Variants in METTL25 observed in about 807,000 individuals in gnomAD.
The protein encoded by METTL25 is probable methyltransferase-like protein 25.
In METTL25, 64 loss-of-function variants were observed where a neutral mutation model predicts 71.6. The ratio of observed to expected loss-of-function variants is 0.89; its 90% CI spans 0.73 to 1.10. METTL25 has a LOEUF of 1.10. Among genes scored for constraint, METTL25 ranks in the 50% least tolerant of loss-of-function variants. The pLI is 0.00. For synonymous variants in METTL25, 287 were observed against 250.3 expected (o/e 1.15, Z -1.38); for missense variants, 807 against 707.0 (o/e 1.14, Z -1.60).
chr12:82,443,708 A>C (rs1027884278), intron 8 of METTL25, among the ~76,000 whole-genome samples: 1 of 152,164 alleles, frequency 6.6e-6, no homozygotes, highest in African/African-American at 2.4e-5. Context: ...GACAGAAGGC[A>C]AAGTATAGAC....
intron 8 of METTL25, 158 bp downstream of exon 8, chr12:82,438,949 G>A (rs984751300): frequency 6.3e-6 from 3 of 479,068 alleles, no homozygotes; most frequent in Non-Finnish European, 9.9e-6. Context: ...CTGTATCTTA[G>A]GTTAATTATC....
At position 82,381,640 on chromosome 12, in the gene METTL25, G is replaced by A. The variant is rs116526832; in HGVS notation, c.260-5163G>A. ...GATTATGAACAGACTCAAAACATTC[G>A]GAAAACTTAACTCATCCCATCTTTA... On this transcript the variant is annotated intron_variant, in intron 1 of 11. Coordinates refer to ENST00000248306, the MANE Select transcript of METTL25 (RefSeq NM_032230.3). 1.9e-3 allele frequency among the ~76,000 whole-genome samples: 288 copies of A among 152,106 alleles called. 1 individual carries two copies. The highest frequency in any genetic ancestry group is 6.7e-3 in the African/African-American group (278 of 41,494).
rs558131269 is a variant in METTL25, at chr12:82,391,522, GTGA to G, written c.531+1603_531+1605del. On this transcript the variant is annotated intron_variant, in intron 3 of 11. Transcript: ENST00000248306. ...AATGAACTTATGTTAATTGTACAGT[GTGA>G]TGTTTTGTTAGTATATGTGTGTGTG... Among the ~76,000 whole-genome samples the G allele has an allele frequency of 2.3e-3, 286 of 126,970 alleles. 3 individuals are homozygous for G. The highest frequency in any genetic ancestry group is 8.4e-3 in the African/African-American group (276 of 32,982). 83.3% of individuals were successfully genotyped at this position (126,970 alleles called of 152,430 possible).
intron 5 of METTL25, among the ~76,000 whole-genome samples, chr12:82,415,180 A>G (rs1887872734): frequency 6.6e-6 from 1 of 152,122 alleles, no homozygotes; most frequent in South Asian, 2.1e-4. Context: ...ATCTGGACTG[A>G]TTCATTAATA....
rs1885941982 is a variant in METTL25 at position 82,394,959 on chromosome 12, C to T, written c.532-3836C>T. Among the ~76,000 whole-genome samples the T allele has an allele frequency of 2.6e-5, 4 of 151,576 alleles. No homozygotes were observed. In the Admixed American group the frequency reaches 2.6e-4, roughly 10 times the overall value. On this transcript the variant is annotated intron_variant, in intron 3 of 11. Transcript: ENST00000248306. ...TTTGTTTCTGAAACATCCAGGAAGT[C>T]AGATTGAACAAGCAGAAAGTAGTAG...
intron 1 of METTL25, among the ~76,000 whole-genome samples, chr12:82,365,401 G>A (rs973211502): frequency 1.3e-5 from 2 of 152,264 alleles, no homozygotes. Flanking sequence ...AGGTTAAAAT[G>A]TCTAAAAGTT....
intron 5 of METTL25, among the ~76,000 whole-genome samples, chr12:82,426,983 G>A (rs1226868257): frequency 6.6e-6 from 1 of 151,876 alleles, no homozygotes; most frequent in African/African-American, 2.4e-5. Flanking sequence ...TACCACCAGA[G>A]CCTGAGGACT....
chr12:82,405,949 CA>C (rs1887052053), intron 5 of METTL25, among the ~76,000 whole-genome samples: 1 of 152,166 alleles, frequency 6.6e-6, no homozygotes, highest in African/African-American at 2.4e-5. Context: ...GCATTTTACA[CA>C]CATAAGAGAG....
At chr12:82,441,119 G>T (rs142916356) in intron 8 of METTL25, among the ~76,000 whole-genome samples, 1 of 152,022 alleles carries the variant, frequency 6.6e-6, no homozygotes, top group South Asian at 2.1e-4. Context: ...GATTTATACT[G>T]TAAGAGTTAA....
chr12:82,383,000 A>G (rs958206746), intron 1 of METTL25, among the ~76,000 whole-genome samples: 2 of 152,104 alleles, frequency 1.3e-5, no homozygotes, highest in South Asian at 4.1e-4. Flanking sequence ...ATGAGCCACT[A>G]TGCCCAGCTA....
intron 9 of METTL25, among the ~76,000 whole-genome samples, chr12:82,462,753 A>T (rs1400869693): frequency 6.6e-6 from 1 of 152,010 alleles, no homozygotes; most frequent in Non-Finnish European, 1.5e-5. Context: ...TCCTCAGGGG[A>T]TTGGTTCCAG....
At chr12:82,438,463 A>G (rs941325500) in intron 7 of METTL25, 1 of 283,646 alleles carries the variant, frequency 3.5e-6, no homozygotes, top group Admixed American at 5.3e-5. Context: ...CTTATTGTTC[A>G]TTGATTATAA....
intron 8 of METTL25, among the ~76,000 whole-genome samples, chr12:82,447,076 A>ATT (rs1261120655): frequency 5.1e-4 from 78 of 152,228 alleles, no homozygotes; most frequent in Non-Finnish European, 7.9e-4. Flanking sequence ...AAAAGCAAAA[A>ATT]CCAAATCCAA....
Position 82,398,829 on chromosome 12 carries a change from G to A in METTL25, c.566G>A (p.Ser189Asn). ...IDLGSGKGYL[S>N]SFLSLKYGLK... ...TTGGGTTCCGGTAAAGGCTACCTAA[G>A]CTCTTTTTTGTCCTTGAAGTATGGC... The change falls in exon 4 of 12, where the codon AGC becomes AAC. Residue 189 changes from serine (S) to asparagine (N), a missense_variant. Coordinates refer to ENST00000248306, the MANE Select transcript of METTL25 (RefSeq NM_032230.3). 4.5e-6 allele frequency: 7 copies of A among 1,571,726 alleles called. No homozygotes were observed. Among genetic ancestry groups the A allele is most frequent in the Non-Finnish European group, 5.1e-6 (6 of 1,167,288 alleles).
intron 5 of METTL25, among the ~76,000 whole-genome samples, chr12:82,408,597 CGT>C (rs56872887): frequency 2.0e-5 from 3 of 147,732 alleles, no homozygotes; most frequent in Admixed American, 6.8e-5. Context: ...GATGTGACTC[CGT>C]GTGTGTGTGT....
At chr12:82,416,025 A>C (rs1887954563) in intron 5 of METTL25, among the ~76,000 whole-genome samples, 1 of 152,132 alleles carries the variant, frequency 6.6e-6, no homozygotes, top group Non-Finnish European at 1.5e-5. Context: ...AACTTCATAC[A>C]TAGAGTCTAT....
intron 2 of METTL25, among the ~76,000 whole-genome samples, chr12:82,389,438 A>C (rs1412656155): frequency 6.6e-6 from 1 of 151,706 alleles, no homozygotes; most frequent in Non-Finnish European, 1.5e-5. Context: ...GATTTATAGG[A>C]GTTTGTTTTA....
rs1360850617 is a variant in METTL25 at position 82,479,139 on chromosome 12, TTAAA to T, written c.*119_*122del. ...AATTTTTAAATGACTGTTATGTATT[TTAAA>T]TAATAAAATAATGGCTAACAACAGA... On this transcript the variant is annotated 3_prime_UTR_variant, in exon 12 of 12. Transcript: ENST00000248306. 6.0e-6 allele frequency: 4 copies of T among 668,690 alleles called. No homozygotes were observed. The highest frequency in any genetic ancestry group is 1.0e-5 in the Non-Finnish European group (4 of 392,788). 41.4% of individuals were successfully genotyped at this position (668,690 alleles called of 1,614,324 possible). A position where few individuals can be genotyped will look rare whatever the true frequency, so the allele number is the denominator to read the frequency against.
chr12:82,454,983 T>A (rs939549946), intron 8 of METTL25, among the ~76,000 whole-genome samples: 2 of 151,864 alleles, frequency 1.3e-5, no homozygotes, highest in African/African-American at 4.8e-5. Flanking sequence ...ATTGATATCC[T>A]CTTTTAATGA....
Sources: allele counts gnomAD v4.1 joint callset (sites outside exome capture counted in the v4.1 genomes callset), GRCh38; gene constraint gnomAD v4.1.1; transcripts MANE v1.5; gene names NCBI Gene and HGNC (gene_info 2026-07-23, HGNC 2026-07-21).